Variants in UBR2 observed in about 807,000 individuals in gnomAD.
UBR2 encodes the protein E3 ubiquitin-protein ligase UBR2.
UBR2 carries 92 observed loss-of-function variants against 247.9 expected under a neutral mutation model. The observed-to-expected ratio is 0.37, with a 90% CI of 0.31 to 0.44. The LOEUF is 0.44. Ranked by LOEUF, UBR2 falls within the 20% of genes least tolerant of loss-of-function variation. The probability of loss-of-function intolerance (pLI) is 1.00; values close to 1 mark genes in which losing one functional copy is unlikely to be tolerated. For synonymous variants in UBR2, 672 were observed against 693.5 expected, an observed-to-expected ratio of 0.97 and a Z score of 0.49; for missense variants, 1,613 against 2,112.6, an observed-to-expected ratio of 0.76 and a Z score of 4.64.
In UBR2 at chr6:42,659,095, C is replaced by T. The variant is rs79669378; in HGVS notation, c.3242+271C>T. 1.2e-3 allele frequency among the ~76,000 whole-genome samples: 183 copies of T among 152,132 alleles called. No individual in the cohort carries two copies. Among genetic ancestry groups the T allele is most frequent in the African/African-American group, 4.1e-3 (169 of 41,496 alleles). ...GTACACTACACTCAGTTACCTAGAG[C>T]GTATGACATCTGTGTTGAAGATTAG... is the stretch of plus-strand genomic sequence containing the variant. On this transcript the variant is annotated intron_variant, in intron 29 of 46. Transcript: ENST00000372901. The surrounding 1 kb of genome is among the most constrained non-coding windows in gnomAD (Gnocchi z 4.3).
rs1279855210 is a variant in UBR2 at position 42,674,277 on chromosome 6, A to T, written c.4251+84A>T. 8 of 1,266,890 alleles carry T rather than the reference A, an allele frequency of 6.3e-6. No individual in the cohort carries two copies. In the Admixed American group the frequency reaches 1.7e-4, roughly 27 times the overall value. 78.5% of individuals were successfully genotyped at this position (1,266,890 alleles called of 1,614,324 possible). A position where few individuals can be genotyped will look rare whatever the true frequency, so the allele number is the denominator to read the frequency against. ...TTTGGTGAGCAGTGTAGTGGCAGACAGGAAGGAGTTATGTGATTTCCTTAC... is the reference window on the plus strand; with the variant it reads ...TTTGGTGAGCAGTGTAGTGGCAGACTGGAAGGAGTTATGTGATTTCCTTAC... On this transcript the variant is annotated intron_variant, in intron 38 of 46. Coordinates refer to ENST00000372901, the MANE Select transcript of UBR2 (RefSeq NM_001363705.2).
At chr6:42,579,292 C>T (rs1286693257) in intron 2 of UBR2, among the ~76,000 whole-genome samples, 1 of 152,012 alleles carries the variant, frequency 6.6e-6, no homozygotes, top group Non-Finnish European at 1.5e-5. Flanking sequence ...ACAACCAGAG[C>T]TCACAAAAAC....
chr6:42,635,697 G>A, intron 14 of UBR2, 151 bp downstream of exon 14: 1 of 937,974 alleles, frequency 1.1e-6, no homozygotes, highest in East Asian at 2.7e-5. Flanking sequence ...TATAAACTCA[G>A]TAAAATTTTA....
At chr6:42,586,426 GAAAAGAAGGTA>G (rs1792265254) in intron 2 of UBR2, among the ~76,000 whole-genome samples, 1 of 151,832 alleles carries the variant, frequency 6.6e-6, no homozygotes, top group Non-Finnish European at 1.5e-5. Flanking sequence ...ATGTGCATTT[GAAAAGAAGGTA>G]TATTTTGCAG....
At chr6:42,567,174 A>G (rs896452916) in intron 1 of UBR2, among the ~76,000 whole-genome samples, 1 of 151,688 alleles carries the variant, frequency 6.6e-6, no homozygotes, top group Non-Finnish European at 1.5e-5. Context: ...TCATTTACAC[A>G]CCGCTTTTCT....
chr6:42,572,455 T>TA lies in UBR2; in HGVS notation c.79-1278dup, dbSNP rs1179245327. Among the ~76,000 whole-genome samples, 3 of 130,494 alleles carry TA rather than the reference T, an allele frequency of 2.3e-5. No homozygotes were observed. The East Asian group carries it at 6.1e-4, about 27-fold the overall frequency. The allele number at this position is 130,494 out of a possible 152,430, so 85.6% of individuals were successfully genotyped here. A position where few individuals can be genotyped will look rare whatever the true frequency, so the allele number is the denominator to read the frequency against. On this transcript the variant is annotated intron_variant, in intron 1 of 46. Transcript: ENST00000372901. ...TATGATGTTACATATCACTTGAACATACTTTTTTTTTTTTTTTAAATAAAA... is the reference window on the plus strand; with the variant it reads ...TATGATGTTACATATCACTTGAACATAACTTTTTTTTTTTTTTTAAATAAAA...
intron 18 of UBR2, among the ~76,000 whole-genome samples, chr6:42,643,031 A>C (rs2151959476): frequency 6.6e-6 from 1 of 152,022 alleles, no homozygotes; most frequent in Non-Finnish European, 1.5e-5. Context: ...CTTTGTGTTT[A>C]CTTTAGCATT....
chr6:42,596,314 T>G (rs1350796045), intron 4 of UBR2, among the ~76,000 whole-genome samples: 1 of 151,744 alleles, frequency 6.6e-6, no homozygotes, highest in African/African-American at 2.4e-5. Context: ...AGATACTGCT[T>G]CACCCTCAGT....
intron 11 of UBR2, among the ~76,000 whole-genome samples, chr6:42,623,419 G>A (rs998979747): frequency 6.6e-6 from 1 of 152,108 alleles, no homozygotes; most frequent in African/African-American, 2.4e-5. Context: ...CTATAGGCAT[G>A]CACCACTGAG....
chr6:42,573,663 A>C lies in UBR2; in HGVS notation c.79-71A>C, dbSNP rs1791310241. On this transcript the variant is annotated intron_variant, in intron 1 of 46. Coordinates refer to ENST00000372901, the MANE Select transcript of UBR2 (RefSeq NM_001363705.2). ...TGTCATTATTTTTGTACCTAAAAGA[A>C]AGTAGGGTGAATTTGTTCAAATTAG... 2.1e-6 allele frequency: 3 copies of C among 1,397,190 alleles called. No homozygotes were observed. In the East Asian group the frequency reaches 7.7e-5, roughly 36 times the overall value. 86.5% of individuals were successfully genotyped at this position (1,397,190 alleles called of 1,614,324 possible).
intron 2 of UBR2, among the ~76,000 whole-genome samples, chr6:42,586,538 C>CTTTTTTTTTTTTTTTTTTTT (rs147830824): frequency 1.1e-4 from 11 of 97,244 alleles, no homozygotes; most frequent in Admixed American, 2.3e-4. Flanking sequence ...GTTTGTCTCT[C>CTTTTTTTTTTTTTTTTTTTT]TTTTTTTTTT....
Position 42,573,847 on chromosome 6 carries a change from G to C in UBR2, c.192G>C (p.Leu64=), listed in dbSNP as rs372338102. ...CTTTTCCACAGAAAGAAGACATGCTGGCACAGCATGTTTTGTTGGGACCAA... is the reference window on the plus strand; with the variant it reads ...CTTTTCCACAGAAAGAAGACATGCTCGCACAGCATGTTTTGTTGGGACCAA... ...PNPFPQKEDM[L]AQHVLLGPME... is the part of the protein sequence containing the mutation. The change falls in exon 2 of 47, where the codon CTG becomes CTC. Residue 64 remains leucine (L), a synonymous_variant. Coordinates refer to ENST00000372901, the MANE Select transcript of UBR2 (RefSeq NM_001363705.2). 2 of 1,613,856 alleles carry C rather than the reference G, an allele frequency of 1.2e-6. No homozygotes were observed. Among genetic ancestry groups the C allele is most frequent in the African/African-American group, 2.7e-5 (2 of 74,898 alleles).
intron 11 of UBR2, among the ~76,000 whole-genome samples, chr6:42,623,572 C>T (rs1795141912): frequency 6.6e-6 from 1 of 152,146 alleles, no homozygotes; most frequent in Non-Finnish European, 1.5e-5. Flanking sequence ...CTGCCTCAGC[C>T]TCCTGAGTAG....
Position 42,689,655 on chromosome 6 carries a change from C to G in UBR2, c.5111C>G (p.Thr1704Ser). 6.2e-7 allele frequency: 1 copy of G among 1,613,984 alleles called. No homozygotes were observed. Among genetic ancestry groups the G allele is most frequent in the East Asian group, 2.2e-5 (1 of 44,868 alleles). ...CCTTACCTTGATGACTATGGGGAGA[C>G]CGACCAGGGACTCAGGTAAGAACCC... ...SPPYLDDYGE[T>S]DQGLRRGNPL... The change falls in exon 46 of 47, where the codon ACC becomes AGC. Residue 1704 changes from threonine to serine, a missense_variant. Around this residue, in one of 3 missense-constraint regions of UBR2, gnomAD observed 80 missense variants for 108.6 expected, o/e 0.74. Coordinates refer to ENST00000372901, the MANE Select transcript of UBR2 (RefSeq NM_001363705.2). The surrounding 1 kb of genome is among the most constrained non-coding windows in gnomAD (Gnocchi z 4.0).
At chr6:42,581,271 C>T (rs1030090454) in intron 2 of UBR2, among the ~76,000 whole-genome samples, 1 of 151,644 alleles carries the variant, frequency 6.6e-6, no homozygotes, top group Admixed American at 6.6e-5. Context: ...CTCACTGCAA[C>T]CTCTGCCTTC....
At chr6:42,585,920 G>A (rs1345399400) in intron 2 of UBR2, among the ~76,000 whole-genome samples, 1 of 151,714 alleles carries the variant, frequency 6.6e-6, no homozygotes, top group Non-Finnish European at 1.5e-5. Context: ...GCTTAGTTTG[G>A]ATTTATGGTC....
At chr6:42,635,381 A>G (rs545429238) in intron 13 of UBR2, 37 bp from the exon 14 acceptor site, 4 of 1,590,244 alleles carry the variant, frequency 2.5e-6, no homozygotes, top group Admixed American at 1.7e-5. Flanking sequence ...AACAACTATT[A>G]TTTTCATTCA....
At chr6:42,684,930 A>C (rs985221290) in intron 44 of UBR2, 59 bp downstream of exon 44, 4 of 1,349,532 alleles carry the variant, frequency 3.0e-6, no homozygotes, top group Non-Finnish European at 4.2e-6. Context: ...CTCTACAAAG[A>C]ATTTGAAGGA....
At chr6:42,604,655 G>A (rs190063806) in intron 5 of UBR2, among the ~76,000 whole-genome samples, 2 of 152,198 alleles carry the variant, frequency 1.3e-5, no homozygotes, top group Non-Finnish European at 2.9e-5. Context: ...TCTCTACACT[G>A]CATCAAAGTG....
Sources: gnomAD v4.1 joint callset for allele counts (sites outside exome capture counted in the v4.1 genomes callset) on GRCh38, gnomAD v4.1.1 for gene constraint, gnomAD v4.1.1 regional missense constraint, Gnocchi (gnomAD v3.1) non-coding constraint, MANE v1.5 for transcripts, NCBI Gene and HGNC (gene_info 2026-07-23, HGNC 2026-07-21) for gene names.